Variants in ZFAND2A observed in about 807,000 individuals in gnomAD.
ZFAND2A encodes AN1-type zinc finger protein 2A.
Under a neutral mutation model 11.6 loss-of-function variants are expected in ZFAND2A, and 20 were observed. That is an observed-to-expected ratio of 1.72 (90% CI 1.21 to 2.50). The LOEUF is 2.50. Among genes scored for constraint, ZFAND2A ranks in the 30% most tolerant of loss-of-function variants. The probability of loss-of-function intolerance (pLI) is 0.00; values close to 1 mark genes in which losing one functional copy is unlikely to be tolerated. For synonymous variants in ZFAND2A, 93 were observed against 60.6 expected (o/e 1.54, Z -2.48); for missense variants, 234 against 182.9 (o/e 1.28, Z -1.61).
At chr7:1,150,875 T>C (rs1403267322), downstream of ZFAND2A, among the ~76,000 whole-genome samples, 3 of 149,528 alleles carry the variant, frequency 2.0e-5, no homozygotes, top group African/African-American at 7.4e-5. Flanking sequence ...TGCTGGCTGC[T>C]GACAACTGTG....
At chr7:1,154,975 G>A (rs1042194497) in intron 4 of ZFAND2A, among the ~76,000 whole-genome samples, 3 of 152,174 alleles carry the variant, frequency 2.0e-5, no homozygotes, top group East Asian at 1.9e-4. Flanking sequence ...AAAGTTAGCT[G>A]GATGTGGTGG....
intron 1 of ZFAND2A, among the ~76,000 whole-genome samples, chr7:1,158,588 G>A (rs1450562910): frequency 1.3e-5 from 2 of 152,246 alleles, no homozygotes; most frequent in South Asian, 2.1e-4. Context: ...TTTTATCCAT[G>A]GAATATACTT....
At chr7:1,154,628 G>A (rs1010677533) in intron 4 of ZFAND2A, among the ~76,000 whole-genome samples, 1 of 152,242 alleles carries the variant, frequency 6.6e-6, no homozygotes, top group Non-Finnish European at 1.5e-5. Flanking sequence ...GGGGACCAGA[G>A]CAAGCTTCCG....
rs185741261 is a variant in ZFAND2A, at chr7:1,157,563, G to A, written c.150+93C>T. On this transcript the variant is annotated intron_variant, in intron 3 of 4. Transcript: ENST00000316495. The stretch of plus-strand genomic sequence containing the variant: ...GATTTTAAAATTTAATTTTCAATGA[G>A]TTAGCCATACGTCGCTAGTCCCTAC... 33 of 1,240,534 alleles carry A rather than the reference G, an allele frequency of 2.7e-5. No individual in the cohort carries two copies. The African/African-American group carries it at 4.5e-4, about 17-fold the overall frequency. 76.8% of individuals were successfully genotyped at this position (1,240,534 alleles called of 1,614,324 possible).
intron 4 of ZFAND2A, 114 bp downstream of exon 4, chr7:1,155,339 C>G (rs1487683426): frequency 2.7e-6 from 4 of 1,464,354 alleles, no homozygotes; most frequent in East Asian, 2.4e-5. Context: ...TAGGACTCTT[C>G]TTTTCTACTT....
chr7:1,153,225 C>T lies in ZFAND2A; in HGVS notation c.283-1G>A. On this transcript the variant is annotated splice_acceptor_variant, in intron 4 of 4. Transcript: ENST00000316495. LOFTEE classifies it high-confidence loss of function. ...CTTTTGAGCAACGGTATGTAAAAAT[C>T]TAAGAGAGCAAAGTGACTTCAACAA... 1 of 1,610,626 alleles carries T rather than the reference C, an allele frequency of 6.2e-7. No homozygotes were observed. Among genetic ancestry groups the T allele is most frequent in the South Asian group, 1.1e-5 (1 of 91,056 alleles).
rs776621708 is a variant in ZFAND2A at position 1,155,518 on chromosome 7, C to A, written c.217G>T (p.Asp73Tyr). The change falls in exon 4 of 5, where the codon GAC becomes TAC. Residue 73 changes from aspartate (D) to tyrosine (Y), a missense_variant. Transcript: ENST00000316495. ...PIPVKKGQIP[D>Y]VVVGDHIDRD... ...TCAATGTGATCACCAACCACCACGT[C>A]TGGTATCTGGCCCTTTTTTACTGGG... is the stretch of plus-strand genomic sequence containing the variant. 7 of 1,613,850 alleles carry A rather than the reference C, an allele frequency of 4.3e-6. No individual in the cohort carries two copies. Among genetic ancestry groups the A allele is most frequent in the Non-Finnish European group, 5.1e-6 (6 of 1,179,932 alleles).
At chr7:1,154,389 G>A (rs1200402930) in intron 4 of ZFAND2A, among the ~76,000 whole-genome samples, 1 of 152,144 alleles carries the variant, frequency 6.6e-6, no homozygotes, top group Non-Finnish European at 1.5e-5. Flanking sequence ...AACACAGGGC[G>A]TGCCCACCAA....
At position 1,158,680 on chromosome 7, in the gene ZFAND2A, C is replaced by T. The variant is rs80088127; in HGVS notation, c.-45-423G>A. On this transcript the variant is annotated intron_variant, in intron 1 of 4. Coordinates refer to ENST00000316495, the MANE Select transcript of ZFAND2A (RefSeq NM_182491.4). ...ATCCAGAGAAGATTTAACTCTGTCC[C>T]TCGCCTCTCTCTTCAACTCCCTTAG... Among the ~76,000 whole-genome samples, 2,700 of 145,646 alleles carry T rather than the reference C, an allele frequency of 0.019. 120 individuals are homozygous for T. In the East Asian group the frequency reaches 0.2, roughly 11 times the overall value.
chr7:1,157,553 T>C (rs1009549737), intron 3 of ZFAND2A, 103 bp downstream of exon 3: 1 of 1,192,870 alleles, frequency 8.4e-7, no homozygotes, highest in Non-Finnish European at 1.2e-6. Context: ...TAAAATTTAA[T>C]TTTCAATGAG....
chr7:1,154,488 G>A (rs1337342783), intron 4 of ZFAND2A, among the ~76,000 whole-genome samples: 4 of 152,188 alleles, frequency 2.6e-5, no homozygotes, highest in Admixed American at 2.6e-4. Flanking sequence ...CCCCAGCAAG[G>A]GAAGCTGTGT....
downstream of ZFAND2A, among the ~76,000 whole-genome samples, chr7:1,151,335 G>A (rs928877557): frequency 9.2e-5 from 14 of 152,014 alleles, no homozygotes; most frequent in African/African-American, 2.7e-4. Flanking sequence ...ACCTGTGGCC[G>A]CCGCTGGACA....
downstream of ZFAND2A, among the ~76,000 whole-genome samples, chr7:1,150,627 T>C (rs1793380864): frequency 1.3e-5 from 2 of 152,214 alleles, no homozygotes; most frequent in African/African-American, 4.8e-5. Flanking sequence ...CAAAGGACTG[T>C]GCACCTCACT....
In ZFAND2A at chr7:1,157,795, A is replaced by G. The variant is rs764445904; in HGVS notation, c.56-45T>C. 11 of 1,387,450 alleles carry G rather than the reference A, an allele frequency of 7.9e-6. No individual in the cohort carries two copies. In the South Asian group the frequency reaches 1.3e-4, roughly 17 times the overall value. The allele number at this position is 1,387,450 out of a possible 1,614,324, so 85.9% of individuals were successfully genotyped here. On this transcript the variant is annotated intron_variant, in intron 2 of 4. Coordinates refer to ENST00000316495, the MANE Select transcript of ZFAND2A (RefSeq NM_182491.4). ...GAAGTGTTTTAACGACTGGAACAAAATACTTCCAGATAGTACTATCAAAGT... is the reference window on the plus strand; with the variant it reads ...GAAGTGTTTTAACGACTGGAACAAAGTACTTCCAGATAGTACTATCAAAGT...
chr7:1,157,825 A>T (rs1793568193), intron 2 of ZFAND2A, 75 bp from the exon 3 acceptor site: 2 of 1,168,690 alleles, frequency 1.7e-6, no homozygotes, highest in African/African-American at 1.6e-5. Context: ...CAAAGTGTTT[A>T]CCTACACTAA....
rs1443380685 is a variant in ZFAND2A at position 1,157,765 on chromosome 7, A to G, written c.56-15T>C. ...TGGAAGAAAATCTAAAAAACAAAAA[A>G]CAGGGAAGTGTTTTAACGACTGGAA... On this transcript the variant is annotated splice_polypyrimidine_tract_variant and intron_variant, in intron 2 of 4. Coordinates refer to ENST00000316495, the MANE Select transcript of ZFAND2A (RefSeq NM_182491.4). 3 of 1,535,066 alleles carry G rather than the reference A, an allele frequency of 2.0e-6. No individual in the cohort carries two copies. The highest frequency in any genetic ancestry group is 4.6e-5 in the Admixed American group (2 of 43,310).
intron 1 of ZFAND2A, among the ~76,000 whole-genome samples, chr7:1,158,938 C>A (rs2128259232): frequency 6.6e-6 from 1 of 152,264 alleles, no homozygotes; most frequent in East Asian, 1.9e-4. Flanking sequence ...CTCACCAGCC[C>A]CTCCCGGGGC....
intron 4 of ZFAND2A, among the ~76,000 whole-genome samples, chr7:1,154,179 G>A (rs73263320): frequency 0.072 from 10,712 of 148,686 alleles, 724 homozygotes; most frequent in African/African-American, 0.19. Flanking sequence ...AGTACCCACC[G>A]GTCATTTTTT....
At chr7:1,151,461 GA>G, downstream of ZFAND2A, among the ~76,000 whole-genome samples, 1 of 150,708 alleles carries the variant, frequency 6.6e-6, no homozygotes, top group East Asian at 2.0e-4. Context: ...TGCTGGTTTT[GA>G]ACTCCTGACC....
Sources: gnomAD v4.1 joint callset for allele counts (sites outside exome capture counted in the v4.1 genomes callset) on GRCh38, gnomAD v4.1.1 for gene constraint, MANE v1.5 for transcripts, NCBI Gene and HGNC (gene_info 2026-07-23, HGNC 2026-07-21) for gene names.